Variants in ARF4 observed in about 807,000 individuals in gnomAD.
ARF4 encodes ADP-ribosylation factor 4.
A neutral mutation model predicts 24.3 loss-of-function variants in ARF4; 5 were observed. That is an observed-to-expected ratio of 0.21 (90% CI 0.11 to 0.43). The LOEUF (loss-of-function observed/expected upper bound fraction) is 0.43, where lower values mean the gene tolerates loss of function less well. ARF4 is among the 20% of genes least tolerant of loss of function. The probability of loss-of-function intolerance (pLI) is 1.00; values close to 1 mark genes in which losing one functional copy is unlikely to be tolerated. For missense variants in ARF4, 107 were observed against 213.0 expected (o/e 0.50, Z 3.10); for synonymous variants, 62 against 73.5 (o/e 0.84, Z 0.80).
chr3:57,584,116 T>A (rs554630232), intron 2 of ARF4, 109 bp from the exon 3 acceptor site: 2 of 797,864 alleles, frequency 2.5e-6, no homozygotes, highest in Admixed American at 2.9e-5. Flanking sequence ...TTTTTATTTT[T>A]AAAAAATATA....
intron 1 of ARF4, among the ~76,000 whole-genome samples, chr3:57,591,754 C>T (rs957771531): frequency 1.3e-5 from 2 of 152,044 alleles, no homozygotes; most frequent in Non-Finnish European, 2.9e-5. Flanking sequence ...CGTGAGCCAC[C>T]GCGCCCGGCC....
intron 4 of ARF4, 90 bp downstream of exon 4, chr3:57,577,226 T>A (rs952636081): frequency 9.4e-7 from 1 of 1,062,496 alleles, no homozygotes; most frequent in Non-Finnish European, 1.4e-6. Flanking sequence ...ATTTGTGTAA[T>A]CTAATCATAG....
intron 1 of ARF4, among the ~76,000 whole-genome samples, chr3:57,593,521 C>G (rs2070139638): frequency 6.6e-6 from 1 of 152,170 alleles, no homozygotes. Flanking sequence ...CAATACAGAA[C>G]TACACTGGCA....
At chr3:57,574,838 C>T (rs954910174) in intron 5 of ARF4, among the ~76,000 whole-genome samples, 6 of 151,902 alleles carry the variant, frequency 3.9e-5, no homozygotes, top group African/African-American at 1.2e-4. Context: ...AGCAACAAAG[C>T]GAGACCCCCC....
intron 1 of ARF4, among the ~76,000 whole-genome samples, chr3:57,586,789 C>T (rs1020368752): frequency 6.6e-6 from 1 of 151,912 alleles, no homozygotes; most frequent in Non-Finnish European, 1.5e-5. Flanking sequence ...AGATATAAAA[C>T]AAAGGGGGGT....
intron 3 of ARF4, among the ~76,000 whole-genome samples, chr3:57,579,927 T>C (rs1238828450): frequency 6.6e-6 from 1 of 151,954 alleles, no homozygotes; most frequent in Non-Finnish European, 1.5e-5. Context: ...AGTAAGACCC[T>C]GTCTCTACGA....
At chr3:57,578,202 G>A (rs1033604858) in intron 3 of ARF4, among the ~76,000 whole-genome samples, 4 of 151,954 alleles carry the variant, frequency 2.6e-5, no homozygotes, top group Non-Finnish European at 4.4e-5. Context: ...AAATTAACTT[G>A]CTTCAGAATG....
chr3:57,591,573 T>C (rs997925564), intron 1 of ARF4, among the ~76,000 whole-genome samples: 4 of 151,970 alleles, frequency 2.6e-5, no homozygotes, highest in East Asian at 1.9e-4. Flanking sequence ...TTCAAGGGAT[T>C]CTCGTGCCTC....
At chr3:57,588,470 G>A (rs1366606238) in intron 1 of ARF4, among the ~76,000 whole-genome samples, 2 of 152,114 alleles carry the variant, frequency 1.3e-5, no homozygotes, top group Non-Finnish European at 2.9e-5. Context: ...CATGTTGGGA[G>A]GCTGAGGCAG....
In ARF4 at chr3:57,597,230, G is replaced by C; in HGVS notation, c.-90C>G. On this transcript the variant is annotated 5_prime_UTR_variant, in exon 1 of 6. Transcript: ENST00000303436. ...TTTCAAGCTCCCAGGCAAACTAAAC[G>C]AGAGGGAAGAGAAAGAGCGGAGGAA... is the stretch of plus-strand genomic sequence containing the variant. 8.0e-7 allele frequency: 1 copy of C among 1,254,422 alleles called. No homozygotes were observed. The highest frequency in any genetic ancestry group is 1.3e-5 in the South Asian group (1 of 79,188). The allele number at this position is 1,254,422 out of a possible 1,614,324, so 77.7% of individuals were successfully genotyped here. A position where few individuals can be genotyped will look rare whatever the true frequency, so the allele number is the denominator to read the frequency against.
chr3:57,572,785 C>T (rs2153408250), intron 5 of ARF4, among the ~76,000 whole-genome samples: 1 of 152,240 alleles, frequency 6.6e-6, no homozygotes. Flanking sequence ...AAACTTTCTA[C>T]CACTTAATCT....
intron 3 of ARF4, among the ~76,000 whole-genome samples, chr3:57,578,682 G>A (rs1294890685): frequency 1.3e-5 from 2 of 151,994 alleles, no homozygotes; most frequent in Admixed American, 6.6e-5. Flanking sequence ...GTTTCACCAC[G>A]TTGCCCATGT....
chr3:57,594,630 G>C (rs2153409557), intron 1 of ARF4, among the ~76,000 whole-genome samples: 1 of 152,274 alleles, frequency 6.6e-6, no homozygotes, highest in South Asian at 2.1e-4. Flanking sequence ...TAGTAGTTTG[G>C]CAAACCTGAC....
intron 1 of ARF4, among the ~76,000 whole-genome samples, chr3:57,590,493 G>C (rs2070099197): frequency 6.6e-6 from 1 of 151,846 alleles, no homozygotes; most frequent in South Asian, 2.1e-4. Context: ...CTCAAAAAAA[G>C]AAAAAAGTTA....
chr3:57,583,650 C>T (rs2070002171), intron 3 of ARF4, among the ~76,000 whole-genome samples: 2 of 152,074 alleles, frequency 1.3e-5, no homozygotes, highest in South Asian at 4.1e-4. Context: ...CTAATTCATT[C>T]TTGTGAACTA....
chr3:57,577,243 T>G, intron 4 of ARF4, 73 bp downstream of exon 4: 1 of 1,246,288 alleles, frequency 8.0e-7, no homozygotes, highest in East Asian at 2.3e-5. Flanking sequence ...ATAGTCAAAA[T>G]GTACTAAACC....
At chr3:57,587,542 C>T (rs946240628) in intron 1 of ARF4, among the ~76,000 whole-genome samples, 18 of 151,582 alleles carry the variant, frequency 1.2e-4, no homozygotes, top group African/African-American at 4.1e-4. Flanking sequence ...ACCCAAAAAT[C>T]ATGTATTACT....
At chr3:57,585,608 A>C (rs2070026639) in intron 1 of ARF4, among the ~76,000 whole-genome samples, 2 of 152,048 alleles carry the variant, frequency 1.3e-5, no homozygotes, top group Non-Finnish European at 2.9e-5. Flanking sequence ...TAGAACTTAA[A>C]GTATAATAAT....
chr3:57,589,323 G>A (rs559935921), intron 1 of ARF4, among the ~76,000 whole-genome samples: 48 of 152,198 alleles, frequency 3.2e-4, no homozygotes, highest in African/African-American at 1.1e-3. Context: ...AGCTACGTGG[G>A]AGGCTGAGGC....
Sources: gnomAD v4.1 joint callset for allele counts (sites outside exome capture counted in the v4.1 genomes callset) on GRCh38, gnomAD v4.1.1 for gene constraint, MANE v1.5 for transcripts, NCBI Gene and HGNC (gene_info 2026-07-23, HGNC 2026-07-21) for gene names.